Variants in CD99L2 observed in about 807,000 individuals in gnomAD.
The protein encoded by CD99L2 is CD99 antigen-like protein 2.
Under a neutral mutation model 27.3 loss-of-function variants are expected in CD99L2, and 24 were observed. That is an observed-to-expected ratio of 0.88 (90% CI 0.64 to 1.24). The LOEUF is 1.24. Ranked by LOEUF, CD99L2 falls within the 50% of genes most tolerant of loss-of-function variation. The pLI is 0.00. For missense variants in CD99L2, 255 were observed against 221.6 expected, an observed-to-expected ratio of 1.15 and a Z score of -0.96; for synonymous variants, 97 against 87.9, an observed-to-expected ratio of 1.10 and a Z score of -0.58.
chrX:150,793,846 G>C, intron 6 of CD99L2, 90 bp from the exon 7 acceptor site: 1 of 731,227 alleles, frequency 1.4e-6, no homozygotes, highest in South Asian at 3.0e-5. Context: ...TTCAGAAAAT[G>C]ATTCCCAGTT....
At chrX:150,892,329 G>T (rs782696151) in intron 1 of CD99L2, among the ~76,000 whole-genome samples, 1 of 109,482 alleles carries the variant, frequency 9.1e-6, no homozygotes, top group East Asian at 2.9e-4. Context: ...ACAGGAGGCC[G>T]GGCACGGTGG....
chrX:150,873,939 A>C (rs782755537), intron 1 of CD99L2, among the ~76,000 whole-genome samples: 1 of 112,402 alleles, frequency 8.9e-6, no homozygotes, highest in East Asian at 2.8e-4. Context: ...TGCAAATTCA[A>C]TCCTATTTCC....
intron 1 of CD99L2, among the ~76,000 whole-genome samples, chrX:150,875,195 TAC>T (rs1417416635): frequency 1.8e-5 from 2 of 112,072 alleles, no homozygotes; most frequent in East Asian, 5.6e-4. Context: ...TTGAGATAAT[TAC>T]AGATTCACAG....
intron 1 of CD99L2, 57 bp downstream of exon 1, chrX:150,898,465 C>A: frequency 1.0e-6 from 1 of 1,003,883 alleles, no homozygotes. Context: ...AGAGCGACCC[C>A]TGGGCCCACA....
In CD99L2 at chrX:150,862,836, AAGAGAG is replaced by A. The variant is rs368518966; in HGVS notation, c.68-31549_68-31544del. Among the ~76,000 whole-genome samples, 418 of 106,115 alleles carry A rather than the reference AAGAGAG, an allele frequency of 3.9e-3. 3 individuals are homozygous for A. Among genetic ancestry groups the A allele is most frequent in the African/African-American group, 0.013 (368 of 28,830 alleles). The allele number at this position is 106,115 out of a possible 115,157, so 92.1% of individuals were successfully genotyped here. On this transcript the variant is annotated intron_variant, in intron 1 of 10. Coordinates refer to ENST00000370377, the MANE Select transcript of CD99L2 (RefSeq NM_031462.4). ...CGAAAGAAAGAAGGAAAGAAAGAGA[AAGAGAG>A]AGAGAGAGAGAGACAGAGAGAGAAA...
intron 7 of CD99L2, among the ~76,000 whole-genome samples, chrX:150,781,886 C>CA (rs782342212): frequency 2.2e-4 from 25 of 112,259 alleles, no homozygotes; most frequent in Non-Finnish European, 3.9e-4. Context: ...AAGGAAGCGT[C>CA]AGACCCTCAG....
intron 1 of CD99L2, among the ~76,000 whole-genome samples, chrX:150,875,715 T>C (rs995139208): frequency 8.9e-6 from 1 of 112,036 alleles, no homozygotes; most frequent in Non-Finnish European, 1.9e-5. Context: ...AACTGAATCA[T>C]TGGGGCAGGT....
At chrX:150,861,277 A>C (rs1557421899) in intron 1 of CD99L2, among the ~76,000 whole-genome samples, 1 of 111,674 alleles carries the variant, frequency 9.0e-6, no homozygotes, top group Non-Finnish European at 1.9e-5. Context: ...AATTTGTATG[A>C]AACCAACAAG....
intron 1 of CD99L2, among the ~76,000 whole-genome samples, chrX:150,893,296 C>G (rs1047284871): frequency 1.8e-5 from 2 of 110,928 alleles, no homozygotes; most frequent in African/African-American, 6.6e-5. Context: ...CTGGAGCCAT[C>G]TAGGAAAGGG....
chrX:150,798,000 C>A (rs1044262611), intron 4 of CD99L2, among the ~76,000 whole-genome samples: 1 of 99,213 alleles, frequency 1.0e-5, no homozygotes, highest in Non-Finnish European at 2.0e-5. Context: ...CGTGACCACA[C>A]CACTGTACTC....
intron 4 of CD99L2, among the ~76,000 whole-genome samples, chrX:150,796,848 C>T (rs1270287760): frequency 8.9e-6 from 1 of 111,872 alleles, no homozygotes; most frequent in African/African-American, 3.2e-5. Context: ...CAACAGAAAA[C>T]AAGAAAATCT....
intron 1 of CD99L2, among the ~76,000 whole-genome samples, chrX:150,875,259 A>C (rs1488259843): frequency 8.9e-6 from 1 of 112,431 alleles, no homozygotes; most frequent in Non-Finnish European, 1.9e-5. Context: ...AGCTCAGTTT[A>C]CTTTACACAA....
chrX:150,837,939 T>C (rs2046558883), intron 1 of CD99L2, among the ~76,000 whole-genome samples: 1 of 112,182 alleles, frequency 8.9e-6, no homozygotes, highest in Non-Finnish European at 1.9e-5. Context: ...AAAGGGGAAA[T>C]AGAAAAACTT....
intron 1 of CD99L2, among the ~76,000 whole-genome samples, chrX:150,884,534 C>T (rs1569566156): frequency 8.9e-6 from 1 of 111,891 alleles, no homozygotes; most frequent in Non-Finnish European, 1.9e-5. Context: ...AAAAAATTAG[C>T]CAGGCATGCT....
chrX:150,877,123 A>G (rs2047240886), intron 1 of CD99L2, among the ~76,000 whole-genome samples: 1 of 105,185 alleles, frequency 9.5e-6, no homozygotes, highest in Non-Finnish European at 2.0e-5. Flanking sequence ...TCTCTTAATA[A>G]AAAAAAAAAA....
rs900281574 is a variant in CD99L2, at chrX:150,768,623, C to A, written c.*411G>T. 12 of 144,444 alleles carry A rather than the reference C, an allele frequency of 8.3e-5. No individual in the cohort carries two copies. The highest frequency in any genetic ancestry group is 1.3e-4 in the Non-Finnish European group (10 of 75,014). The allele number at this position is 144,444 out of a possible 1,213,427, so 11.9% of individuals were successfully genotyped here. A position where few individuals can be genotyped will look rare whatever the true frequency, so the allele number is the denominator to read the frequency against. ...TCAGGGGCTGTCTATTGGCAGAAAC[C>A]TGCCACAATGAGCCACTCCAGTGTG... On this transcript the variant is annotated 3_prime_UTR_variant, in exon 11 of 11. Transcript: ENST00000370377.
chrX:150,821,692 G>A (rs781868835), intron 2 of CD99L2, among the ~76,000 whole-genome samples: 42 of 111,901 alleles, frequency 3.8e-4, no homozygotes, highest in Admixed American at 5.7e-4. Context: ...TGCATCTAAG[G>A]ACATTATCAA....
At chrX:150,896,738 C>T (rs2047617657) in intron 1 of CD99L2, among the ~76,000 whole-genome samples, 2 of 112,111 alleles carry the variant, frequency 1.8e-5, no homozygotes, top group Admixed American at 9.4e-5. Context: ...CCTAAGTAGT[C>T]GAAGTGGGGT....
At chrX:150,854,784 C>T (rs1237544633) in intron 1 of CD99L2, among the ~76,000 whole-genome samples, 1 of 111,194 alleles carries the variant, frequency 9.0e-6, no homozygotes, top group Non-Finnish European at 1.9e-5. Context: ...AGATTTCCAG[C>T]CTCCAGAATC....
Sources: gnomAD v4.1 joint callset for allele counts (sites outside exome capture counted in the v4.1 genomes callset) on GRCh38, gnomAD v4.1.1 for gene constraint, MANE v1.5 for transcripts, NCBI Gene and HGNC (gene_info 2026-07-23, HGNC 2026-07-21) for gene names.